Variants in TANC2 observed in about 807,000 individuals in gnomAD.
TANC2 encodes the protein tetratricopeptide repeat, ankyrin repeat and coiled-coil containing 2.
A neutral mutation model predicts 210.5 loss-of-function variants in TANC2; 26 were observed. That is an observed-to-expected ratio of 0.12 (90% CI 0.09 to 0.17). TANC2 has a LOEUF of 0.17. Ranked by LOEUF, TANC2 falls within the 10% of genes least tolerant of loss-of-function variation. The probability of loss-of-function intolerance (pLI) is 1.00; values close to 1 mark genes in which losing one functional copy is unlikely to be tolerated. For synonymous variants in TANC2, 931 were observed against 967.1 expected, an observed-to-expected ratio of 0.96 and a Z score of 0.69; for missense variants, 2,129 against 2,608.9, an observed-to-expected ratio of 0.82 and a Z score of 4.01.
intron 7 of TANC2, among the ~76,000 whole-genome samples, chr17:63,228,266 C>T (rs1363283606): frequency 1.3e-5 from 2 of 152,076 alleles, no homozygotes; most frequent in African/African-American, 4.8e-5. Context: ...TTTGTGAGAT[C>T]TCTATTCTGT....
intron 14 of TANC2, among the ~76,000 whole-genome samples, chr17:63,372,569 C>T (rs184220013): frequency 6.9e-4 from 105 of 152,274 alleles, no homozygotes; most frequent in Non-Finnish European, 7.3e-5. Flanking sequence ...AAAATGCATT[C>T]GCTTAATATG....
intron 6 of TANC2, 120 bp downstream of exon 6, chr17:63,194,259 C>G (rs779046117): frequency 8.5e-6 from 9 of 1,053,166 alleles, no homozygotes; most frequent in Non-Finnish European, 9.1e-6. Flanking sequence ...TCCATAATCA[C>G]TATTATTTCT....
At chr17:63,337,376 A>G (rs1598884849) in intron 11 of TANC2, among the ~76,000 whole-genome samples, 1 of 152,094 alleles carries the variant, frequency 6.6e-6, no homozygotes, top group East Asian at 1.9e-4. Flanking sequence ...GGAGTCAAAA[A>G]TGTTATTAAT....
At chr17:63,176,856 A>G (rs1006510721) in intron 5 of TANC2, among the ~76,000 whole-genome samples, 21 of 151,572 alleles carry the variant, frequency 1.4e-4, no homozygotes, top group Non-Finnish European at 2.9e-5. Flanking sequence ...GCCTGGGACT[A>G]GAGTTGAGAG....
At chr17:63,360,721 T>C (rs919805728) in intron 14 of TANC2, among the ~76,000 whole-genome samples, 4 of 152,240 alleles carry the variant, frequency 2.6e-5, no homozygotes, top group African/African-American at 7.2e-5. Flanking sequence ...CAGCAAATTC[T>C]AGGTCTTATT....
chr17:63,071,321 C>G (rs1442138869), intron 2 of TANC2, among the ~76,000 whole-genome samples: 4 of 151,930 alleles, frequency 2.6e-5, no homozygotes, highest in African/African-American at 9.7e-5. Context: ...AAGGTCTCCC[C>G]TTGTCACCTA....
chr17:63,258,757 A>G (rs1166045272), intron 8 of TANC2, among the ~76,000 whole-genome samples: 7 of 152,138 alleles, frequency 4.6e-5, no homozygotes, highest in Non-Finnish European at 8.8e-5. Context: ...GGTCCAAGGC[A>G]GGTCCAGAAA....
At chr17:63,085,681 GTGTC>G (rs2036935733) in intron 3 of TANC2, among the ~76,000 whole-genome samples, 1 of 151,870 alleles carries the variant, frequency 6.6e-6, no homozygotes, top group Non-Finnish European at 1.5e-5. Flanking sequence ...ATGCACATGT[GTGTC>G]TGTATGTGTG....
chr17:63,097,368 T>A (rs2037426058), intron 3 of TANC2, among the ~76,000 whole-genome samples: 1 of 152,090 alleles, frequency 6.6e-6, no homozygotes, highest in South Asian at 2.1e-4. Flanking sequence ...TAAATTGGAT[T>A]GTTTGTCTTT....
intron 1 of TANC2, among the ~76,000 whole-genome samples, chr17:63,001,658 C>T (rs1260690843): frequency 6.6e-6 from 1 of 151,568 alleles, no homozygotes; most frequent in Non-Finnish European, 1.5e-5. Flanking sequence ...GATTCTCCTG[C>T]TTCAGACTCC....
At chr17:63,238,226 A>G in intron 8 of TANC2, 149 bp downstream of exon 8, 1 of 948,592 alleles carries the variant, frequency 1.1e-6, no homozygotes. Flanking sequence ...TGTTTGGGTA[A>G]TATACATGTA....
chr17:63,293,362 G>T (rs544723286), intron 9 of TANC2, among the ~76,000 whole-genome samples: 1 of 152,252 alleles, frequency 6.6e-6, no homozygotes, highest in African/African-American at 2.4e-5. Context: ...AGCATGCATG[G>T]AATGAACCCC....
chr17:63,021,001 G>C (rs2034323477), intron 2 of TANC2, among the ~76,000 whole-genome samples: 1 of 152,050 alleles, frequency 6.6e-6, no homozygotes, highest in African/African-American at 2.4e-5. Flanking sequence ...CATGGGGAGG[G>C]CACCAACCCT....
At chr17:63,264,995 C>T (rs1437968996) in intron 8 of TANC2, among the ~76,000 whole-genome samples, 2 of 152,182 alleles carry the variant, frequency 1.3e-5, no homozygotes, top group Non-Finnish European at 1.5e-5. Flanking sequence ...CTGTTGCCAA[C>T]ATCACTCCCA....
At chr17:63,248,000 T>A (rs530207981) in intron 8 of TANC2, among the ~76,000 whole-genome samples, 4 of 152,204 alleles carry the variant, frequency 2.6e-5, no homozygotes, top group African/African-American at 7.2e-5. Context: ...GATTGTAGAT[T>A]GAAAATTTTT....
intron 8 of TANC2, among the ~76,000 whole-genome samples, chr17:63,263,208 T>C (rs548886400): frequency 6.6e-6 from 1 of 152,310 alleles, no homozygotes; most frequent in African/African-American, 2.4e-5. Context: ...TATATATTAA[T>C]AGTGATGAGC....
intron 1 of TANC2, among the ~76,000 whole-genome samples, chr17:62,975,366 G>A (rs1040773894): frequency 6.6e-6 from 1 of 152,186 alleles, no homozygotes; most frequent in Admixed American, 6.5e-5. Context: ...TTCTATTTCT[G>A]TTCAAATTCC....
At chr17:62,988,491 C>T (rs1001746005) in intron 1 of TANC2, among the ~76,000 whole-genome samples, 1 of 152,002 alleles carries the variant, frequency 6.6e-6, no homozygotes, top group Non-Finnish European at 1.5e-5. Context: ...TTCACTTAAG[C>T]TTTGCTCACA....
In TANC2 at chr17:63,418,412, G is replaced by GGA. The variant is rs146027478; in HGVS notation, c.4268+17_4268+18dup. 27 of 1,605,966 alleles carry GGA rather than the reference G, an allele frequency of 1.7e-5. No homozygotes were observed. Among genetic ancestry groups the GGA allele is most frequent in the Admixed American group, 5.1e-5 (3 of 59,224 alleles). On this transcript the variant is annotated splice_donor_region_variant and intron_variant, in intron 27 of 27. Transcript: ENST00000689528. This position sits in a 1 kb window ranked among gnomAD's most constrained non-coding sequence, Gnocchi z 4.6. Reference sequence around the variant, plus strand: ...AAGGGCAAAACGCAGCAGCAGGTGAGGAGAGAGAGAGAGGGTGAAAGCAAG... The same window carrying GGA: ...AAGGGCAAAACGCAGCAGCAGGTGAGGAGAGAGAGAGAGAGGGTGAAAGCAAG...
Sources: gnomAD v4.1 joint callset for allele counts (sites outside exome capture counted in the v4.1 genomes callset) on GRCh38, gnomAD v4.1.1 for gene constraint, Gnocchi (gnomAD v3.1) non-coding constraint, MANE v1.5 for transcripts, NCBI Gene and HGNC (gene_info 2026-07-23, HGNC 2026-07-21) for gene names.